Variants in COX15 observed in about 807,000 individuals in gnomAD.
COX15 encodes heme A synthase COX15.
A neutral mutation model predicts 51.9 loss-of-function variants in COX15; 51 were observed. That is an observed-to-expected ratio of 0.98 (90% CI 0.78 to 1.24). COX15 has a LOEUF of 1.24. COX15 is among the 50% of genes most tolerant of loss of function. The pLI, the probability that COX15 is intolerant of heterozygous loss-of-function variation, is 0.00. For synonymous variants in COX15, 188 were observed against 190.5 expected, an observed-to-expected ratio of 0.99 and a Z score of 0.11; for missense variants, 420 against 501.1, an observed-to-expected ratio of 0.84 and a Z score of 1.55.
rs1424109395 is a variant in COX15 at position 99,718,339 on chromosome 10, C to A, written c.987+7G>T. On this transcript the variant is annotated splice_region_variant and intron_variant, in intron 7 of 8. Transcript: ENST00000016171. ...CTCTCTGGCAGGTAACCACCAACTA[C>A]ACTTACCAGAATCCGGTGATCAAAC... 2.5e-6 allele frequency: 4 copies of A among 1,614,002 alleles called. No individual in the cohort carries two copies. Among genetic ancestry groups the A allele is most frequent in the Non-Finnish European group, 3.4e-6 (4 of 1,180,028 alleles).
Position 99,713,208 on chromosome 10 carries a change from G to C in COX15, c.*1379C>G. 7 of 1,386,698 alleles carry C rather than the reference G, an allele frequency of 5.0e-6. No individual in the cohort carries two copies. The highest frequency in any genetic ancestry group is 5.7e-6 in the Non-Finnish European group (6 of 1,055,430). The allele number at this position is 1,386,698 out of a possible 1,614,324, so 85.9% of individuals were successfully genotyped here. ...ATACTACTTGGTTCATATTGAACCTGAGGACAACTAAAATCCCGTCTTTTT... is the reference window on the plus strand; with the variant it reads ...ATACTACTTGGTTCATATTGAACCTCAGGACAACTAAAATCCCGTCTTTTT... On this transcript the variant is annotated 3_prime_UTR_variant, in exon 9 of 9. Coordinates refer to ENST00000016171, the MANE Select transcript of COX15 (RefSeq NM_078470.6).
chr10:99,719,659 T>A (rs1341148490), intron 6 of COX15, among the ~76,000 whole-genome samples: 2 of 150,798 alleles, frequency 1.3e-5, no homozygotes, highest in East Asian at 3.9e-4. Context: ...CATGGCTAAT[T>A]TTTGTATTTT....
chr10:99,716,513 CT>C, intron 7 of COX15, 52 bp from the exon 8 acceptor site: 1 of 1,278,996 alleles, frequency 7.8e-7, no homozygotes, highest in Non-Finnish European at 1.1e-6. Flanking sequence ...AGGTTTCTAA[CT>C]CACCTTACAT....
At chr10:99,725,683 C>T (rs1023420071) in intron 4 of COX15, among the ~76,000 whole-genome samples, 3 of 152,192 alleles carry the variant, frequency 2.0e-5, no homozygotes, top group African/African-American at 4.8e-5. Context: ...CCTCAGCCTC[C>T]GAAATAGCTG....
chr10:99,698,461 T>C, the COX15 span: 16 of 1,409,652 alleles, frequency 1.1e-5, no homozygotes, highest in Non-Finnish European at 1.5e-5. Flanking sequence ...CTGATGCACA[T>C]TGTGTTTCTT....
Position 99,729,572 on chromosome 10 carries a change from T to G in COX15, c.253A>C (p.Ile85Leu), listed in dbSNP as rs1421966236. Residue 85 changes from isoleucine (I) to leucine (L), a missense_variant, in exon 2 of 9, where the codon ATT becomes CTT. Transcript: ENST00000016171. Reference protein sequence around the residue: ...VCSGTVAGAVILGGVTRLTES... With the variant: ...VCSGTVAGAVLLGGVTRLTES... ...ACTTACCTAGTTACTCCACCAAGAA[T>G]AACTGCTCCAGCCACTGTTCCACTG... 6.2e-7 allele frequency: 1 copy of G among 1,613,558 alleles called. No homozygotes were observed. The highest frequency in any genetic ancestry group is 8.5e-7 in the Non-Finnish European group (1 of 1,179,982).
At position 99,714,604 on chromosome 10, in the gene COX15, G is replaced by A. The variant is rs764764067; in HGVS notation, c.1216C>T (p.Arg406Ter). ...TGALWLMNEL[R>*]RVPK is the part of the protein sequence containing the mutation. ...TCTAAGAATCATTTTGGGACTCTTCGGAGTTCATTCATCAGCCAAAGAGCA... is the reference window on the plus strand; with the variant it reads ...TCTAAGAATCATTTTGGGACTCTTCAGAGTTCATTCATCAGCCAAAGAGCA... The change falls in exon 9 of 9, where the codon CGA becomes TGA. Residue 406 changes from arginine (R) to a stop codon, truncating the protein, a stop_gained. Transcript: ENST00000016171. LOFTEE classifies it high-confidence loss of function. 5.0e-6 allele frequency: 8 copies of A among 1,613,954 alleles called. No homozygotes were observed. The highest frequency in any genetic ancestry group is 1.6e-4 in the Middle Eastern group (1 of 6,074).
chr10:99,715,283 G>A (rs1478345209), intron 8 of COX15, among the ~76,000 whole-genome samples: 1 of 151,994 alleles, frequency 6.6e-6, no homozygotes, highest in East Asian at 1.9e-4. Context: ...GATTACAGGC[G>A]TGTGCCACCC....
At chr10:99,705,416 G>A in the COX15 span, 1 of 152,464 alleles carries the variant, frequency 6.6e-6, no homozygotes, top group African/African-American at 2.4e-5. Flanking sequence ...GTGCCTCACA[G>A]GCTGTTTGGG....
rs1161236537 is a variant in COX15, at chr10:99,714,077, T to A, written c.*510A>T. The A allele has an allele frequency of 2.0e-6, 2 of 1,006,838 alleles. No individual in the cohort carries two copies. Among genetic ancestry groups the A allele is most frequent in the African/African-American group, 3.5e-5 (2 of 57,322 alleles). 62.4% of individuals were successfully genotyped at this position (1,006,838 alleles called of 1,614,324 possible). On this transcript the variant is annotated 3_prime_UTR_variant, in exon 9 of 9. Coordinates refer to ENST00000016171, the MANE Select transcript of COX15 (RefSeq NM_078470.6). ...ATTAAGCTTGTCAAAATCTGCAATT[T>A]CCCCATTTCTGAAAATCAGGATATT...
At chr10:99,728,563 A>T (rs1047019252) in intron 2 of COX15, among the ~76,000 whole-genome samples, 11 of 152,362 alleles carry the variant, frequency 7.2e-5, no homozygotes, top group African/African-American at 2.2e-4. Flanking sequence ...TAATTTTGCT[A>T]CGCTAATGAA....
chr10:99,704,711 G>T, the COX15 span: 3 of 1,590,468 alleles, frequency 1.9e-6, no homozygotes, highest in Non-Finnish European at 2.6e-6. Flanking sequence ...AGAAGCTTGA[G>T]CACCCCCGAG....
Position 99,724,110 on chromosome 10 carries a change from C to T in COX15, c.596G>A (p.Trp199Ter). ...GLVCFQGLLG[W>*]YMVKSGLEEK... ...TTCTAGTCCACTTTTCACCATATAC[C>T]ATCCCAACAGACCCTAGAACCCCCA... The change falls in exon 5 of 9, where the codon TGG becomes TAG. Residue 199 changes from tryptophan (W) to a stop codon, truncating the protein, a stop_gained. Transcript: ENST00000016171. LOFTEE classifies it high-confidence loss of function. The T allele has an allele frequency of 6.2e-7, 1 of 1,614,066 alleles. No individual in the cohort carries two copies. The highest frequency in any genetic ancestry group is 8.5e-7 in the Non-Finnish European group (1 of 1,180,004).
downstream of COX15, chr10:99,709,858 T>C: frequency 3.0e-6 from 3 of 985,412 alleles, no homozygotes; most frequent in Non-Finnish European, 3.6e-6. Flanking sequence ...GAGGAAGGAA[T>C]AACACACCAG....
At position 99,731,955 on chromosome 10, in the gene COX15, G is replaced by A. The variant is rs753712680; in HGVS notation, c.90+5C>T. The A allele has an allele frequency of 1.9e-6, 3 of 1,607,620 alleles. No individual in the cohort carries two copies. Among genetic ancestry groups the A allele is most frequent in the Middle Eastern group, 1.6e-4 (1 of 6,078 alleles). ...CGCGACTCGGAGTCCGCTGCAGTGC[G>A]GTACCTGTGCTCTAGGCGCTGCCCT... On this transcript the variant is annotated splice_donor_5th_base_variant and intron_variant, in intron 1 of 8. Transcript: ENST00000016171.
At chr10:99,709,554 A>G (rs1358103601), downstream of COX15, 2 of 983,604 alleles carry the variant, frequency 2.0e-6, no homozygotes, top group Non-Finnish European at 2.4e-6. Flanking sequence ...ATTTTGATTA[A>G]TACTATAGAA....
chr10:99,718,538 G>A, intron 6 of COX15, 38 bp from the exon 7 acceptor site: 2 of 1,609,656 alleles, frequency 1.2e-6, no homozygotes, highest in Non-Finnish European at 1.7e-6. Flanking sequence ...TAAAATGAGA[G>A]GAAGAAGAGA....
chr10:99,696,122 G>T, the COX15 span: 1 of 1,612,778 alleles, frequency 6.2e-7, no homozygotes. Flanking sequence ...AACAAAAACA[G>T]GTACATTTGA....
At chr10:99,706,619 G>C (rs568194993), downstream of COX15, among the ~76,000 whole-genome samples, 14 of 152,102 alleles carry the variant, frequency 9.2e-5, no homozygotes, top group Admixed American at 3.9e-4. Context: ...ACAAGCATGA[G>C]CTACTGCACC....
Sources: allele counts gnomAD v4.1 joint callset (sites outside exome capture counted in the v4.1 genomes callset), GRCh38; gene constraint gnomAD v4.1.1; transcripts MANE v1.5; gene names NCBI Gene and HGNC (gene_info 2026-07-23, HGNC 2026-07-21).